Variants in SOX5 observed in about 807,000 individuals in gnomAD.
SOX5 encodes the protein SRY-box transcription factor 5, also known as transcription factor SOX-5.
A neutral mutation model predicts 92.0 loss-of-function variants in SOX5; 9 were observed. The ratio of observed to expected loss-of-function variants is 0.10; its 90% CI spans 0.06 to 0.17. SOX5 has a LOEUF of 0.17. SOX5 is among the 10% of genes least tolerant of loss of function. The pLI, the probability that SOX5 is intolerant of heterozygous loss-of-function variation, is 1.00. For missense variants in SOX5, 642 were observed against 944.5 expected (o/e 0.68, Z 4.20); for synonymous variants, 344 against 336.3 (o/e 1.02, Z -0.25).
At chr12:24,137,758 A>G (rs1950237482) in intron 4 of SOX5, among the ~76,000 whole-genome samples, 1 of 152,244 alleles carries the variant, frequency 6.6e-6, no homozygotes, top group Admixed American at 6.5e-5. Flanking sequence ...CACAAATATT[A>G]TATTTCTTGA....
chr12:24,376,740 A>ACT (rs71063317), intron 1 of SOX5, among the ~76,000 whole-genome samples: 71,707 of 110,104 alleles, frequency 0.65, 23,531 homozygotes, highest in Middle Eastern at 0.7. Flanking sequence ...ACAGAGTCTC[A>ACT]CTGTCACCCA....
chr12:24,117,656 T>C (rs1363094827), intron 4 of SOX5, among the ~76,000 whole-genome samples: 4 of 152,156 alleles, frequency 2.6e-5, no homozygotes, highest in Non-Finnish European at 4.4e-5. Flanking sequence ...GGAAATTCTG[T>C]CATTCACGAC....
At chr12:24,173,781 G>A (rs926041059) in intron 4 of SOX5, among the ~76,000 whole-genome samples, 3 of 152,082 alleles carry the variant, frequency 2.0e-5, no homozygotes, top group Non-Finnish European at 4.4e-5. Context: ...TTTTATGAAC[G>A]TCCACTGTAA....
chr12:24,031,018 C>G (rs895328623), intron 4 of SOX5, among the ~76,000 whole-genome samples: 4 of 151,658 alleles, frequency 2.6e-5, no homozygotes, highest in Non-Finnish European at 5.9e-5. Context: ...TGTTAGAATG[C>G]TATTATGAAA....
At chr12:24,442,587 T>C (rs1451508148) in intron 1 of SOX5, among the ~76,000 whole-genome samples, 1 of 152,170 alleles carries the variant, frequency 6.6e-6, no homozygotes, top group Non-Finnish European at 1.5e-5. Context: ...GAGACGTTAA[T>C]GAGAAAGTCA....
rs1396771851 is a variant in SOX5 at position 23,977,405 on chromosome 12, A to G, written c.-1-81381T>C. The stretch of plus-strand genomic sequence containing the variant: ...TAAAGGTGGGCCAAGCATGGTGGCT[A>G]ACACCTGTAACCCCAGCACTTTGGG... On this transcript the variant is annotated intron_variant, in intron 4 of 4. Transcript: ENST00000446891. Among the ~76,000 whole-genome samples, 5 of 152,234 alleles carry G rather than the reference A, an allele frequency of 3.3e-5. No individual in the cohort carries two copies. The East Asian group carries it at 7.7e-4, about 24-fold the overall frequency.
At chr12:23,880,814 C>T (rs1053637423) in intron 2 of SOX5, among the ~76,000 whole-genome samples, 1 of 152,138 alleles carries the variant, frequency 6.6e-6, no homozygotes, top group African/African-American at 2.4e-5. Context: ...TGAATTCTTA[C>T]ACAAATGAAT....
At chr12:23,637,556 G>A (rs1162868596) in intron 8 of SOX5, among the ~76,000 whole-genome samples, 4 of 152,064 alleles carry the variant, frequency 2.6e-5, no homozygotes, top group Non-Finnish European at 5.9e-5. Flanking sequence ...TATATGAGCT[G>A]ATGTCTGGTG....
chr12:23,978,262 T>C (rs1354988310), intron 4 of SOX5, among the ~76,000 whole-genome samples: 1 of 152,216 alleles, frequency 6.6e-6, no homozygotes, highest in Non-Finnish European at 1.5e-5. Flanking sequence ...TGTTGCACAT[T>C]TCAACACTTA....
intron 3 of SOX5, among the ~76,000 whole-genome samples, chr12:23,823,731 C>G (rs553718230): frequency 1.6e-4 from 25 of 152,290 alleles, no homozygotes; most frequent in East Asian, 3.9e-4. Context: ...GTTCTATTCT[C>G]CCCGCCACTT....
intron 4 of SOX5, among the ~76,000 whole-genome samples, chr12:23,994,835 G>T (rs1225688037): frequency 6.6e-6 from 1 of 152,102 alleles, no homozygotes; most frequent in South Asian, 2.1e-4. Context: ...GAGCTTTTTT[G>T]TGCTATTGGT....
intron 1 of SOX5, among the ~76,000 whole-genome samples, chr12:24,556,589 A>G (rs1953808931): frequency 6.6e-6 from 1 of 152,246 alleles, no homozygotes; most frequent in South Asian, 2.1e-4. Flanking sequence ...CTATCAAACG[A>G]TTAAATCTCA....
intron 4 of SOX5, among the ~76,000 whole-genome samples, chr12:24,126,555 G>A (rs115366679): frequency 0.012 from 1,853 of 152,202 alleles, 43 homozygotes; most frequent in African/African-American, 0.042. Flanking sequence ...GCCACTTCTC[G>A]GCATCTCCAC....
rs777335946 is a variant in SOX5, at chr12:24,278,854, G to GA, written c.-173-1543dup. 2.1e-3 allele frequency among the ~76,000 whole-genome samples: 302 copies of GA among 144,726 alleles called. 1 individual carries two copies. The highest frequency in any genetic ancestry group is 7.2e-3 in the Middle Eastern group (2 of 276). The allele number at this position is 144,726 out of a possible 152,430, so 94.9% of individuals were successfully genotyped here. On this transcript the variant is annotated intron_variant, in intron 2 of 4. Coordinates refer to the SOX5 transcript ENST00000446891. ...GTATTTCCATAAAAAATTGTACTTA[G>GA]AAAAAATACCACAAACTCCACTTTT... is the stretch of plus-strand genomic sequence containing the variant.
At chr12:24,522,045 A>C (rs1474431024) in intron 1 of SOX5, among the ~76,000 whole-genome samples, 1 of 151,986 alleles carries the variant, frequency 6.6e-6, no homozygotes, top group African/African-American at 2.4e-5. Flanking sequence ...TAGATACACC[A>C]AGAAAAAGAG....
intron 4 of SOX5, among the ~76,000 whole-genome samples, chr12:23,975,457 G>T (rs1948796614): frequency 6.6e-6 from 1 of 151,896 alleles, no homozygotes; most frequent in South Asian, 2.1e-4. Flanking sequence ...CATTTATGTT[G>T]GTTGTTCTGA....
chr12:23,580,576 A>G (rs1235814382), intron 9 of SOX5, among the ~76,000 whole-genome samples: 1 of 152,042 alleles, frequency 6.6e-6, no homozygotes, highest in Non-Finnish European at 1.5e-5. Context: ...GTACAAGAAA[A>G]TAATATTTTA....
chr12:24,171,527 A>G (rs1258481483), intron 4 of SOX5, among the ~76,000 whole-genome samples: 1 of 152,082 alleles, frequency 6.6e-6, no homozygotes, highest in Non-Finnish European at 1.5e-5. Flanking sequence ...CTGGCCAGCC[A>G]ACAGACAGTT....
In SOX5 at chr12:24,320,518, G is replaced by T. The variant is rs1034859839; in HGVS notation, c.-173-43206C>A. On this transcript the variant is annotated intron_variant, in intron 2 of 4. Coordinates refer to the SOX5 transcript ENST00000446891. Reference sequence around the variant, plus strand: ...TTTACTTTCCTGGAAAATATCAGCAGATTTAATTTTTCTTTAATACAAATC... The same window carrying T: ...TTTACTTTCCTGGAAAATATCAGCATATTTAATTTTTCTTTAATACAAATC... Among the ~76,000 whole-genome samples the T allele has an allele frequency of 3.3e-5, 5 of 152,084 alleles. No individual in the cohort carries two copies. The East Asian group carries it at 9.6e-4, about 29-fold the overall frequency.
Sources: gnomAD v4.1 joint callset for allele counts (sites outside exome capture counted in the v4.1 genomes callset) on GRCh38, gnomAD v4.1.1 for gene constraint, MANE v1.5 for transcripts, NCBI Gene and HGNC (gene_info 2026-07-23, HGNC 2026-07-21) for gene names.